ATAD5: variants seen among roughly 807,000 people sequenced by gnomAD.
ATAD5 encodes ATPase family AAA domain containing 5, also known as ATPase family AAA domain-containing protein 5.
A neutral mutation model predicts 176.9 loss-of-function variants in ATAD5; 58 were observed. The ratio of observed to expected loss-of-function variants is 0.33; its 90% confidence interval spans 0.27 to 0.41. The LOEUF (loss-of-function observed/expected upper bound fraction) is 0.41, where lower values mean the gene tolerates loss of function less well. ATAD5 is among the 10% of genes least tolerant of loss of function. The pLI, the probability that ATAD5 is intolerant of heterozygous loss-of-function variation, is 1.00. For missense variants in ATAD5, 1,789 were observed against 2,094.1 expected, an observed-to-expected ratio of 0.85 and a Z score of 2.84; for synonymous variants, 640 against 712.6, an observed-to-expected ratio of 0.90 and a Z score of 1.62.
chr17:30,839,059 C>A (rs1396961475), intron 3 of ATAD5, among the ~76,000 whole-genome samples: 1 of 151,792 alleles, frequency 6.6e-6, no homozygotes, highest in Non-Finnish European at 1.5e-5. Context: ...CTGCTAGCCT[C>A]AAGCAATCCT....
At chr17:30,876,644 T>G (rs544610460) in intron 15 of ATAD5, 94 bp downstream of exon 15, 1 of 684,622 alleles carries the variant, frequency 1.5e-6, no homozygotes, top group South Asian at 3.0e-5. Flanking sequence ...CTGTTGCTAT[T>G]TATTAAATCT....
chr17:30,891,643 G>A (rs1368725479), intron 19 of ATAD5, among the ~76,000 whole-genome samples: 1 of 152,056 alleles, frequency 6.6e-6, no homozygotes. Flanking sequence ...AAAGTGCTGG[G>A]ATTACAGGTG....
At chr17:30,867,263 G>C (rs1352607321) in intron 11 of ATAD5, among the ~76,000 whole-genome samples, 1 of 152,096 alleles carries the variant, frequency 6.6e-6, no homozygotes, top group Non-Finnish European at 1.5e-5. Flanking sequence ...AGCTGGGAAT[G>C]ATGGCGCCCA....
intron 17 of ATAD5, among the ~76,000 whole-genome samples, chr17:30,879,212 C>T (rs1184219298): frequency 6.6e-6 from 1 of 152,088 alleles, no homozygotes; most frequent in Non-Finnish European, 1.5e-5. Context: ...GCAGCTTGAG[C>T]TTATAATCCT....
At chr17:30,877,078 C>T (rs975335016) in intron 15 of ATAD5, among the ~76,000 whole-genome samples, 8 of 151,520 alleles carry the variant, frequency 5.3e-5, no homozygotes, top group African/African-American at 1.7e-4. Context: ...AATGCAGTGG[C>T]GCAATCTTGG....
intron 8 of ATAD5, among the ~76,000 whole-genome samples, chr17:30,857,472 T>A (rs568036822): frequency 6.6e-6 from 1 of 152,268 alleles, no homozygotes; most frequent in South Asian, 2.1e-4. Context: ...CGCCTCGGCC[T>A]CACAAAGTGC....
At chr17:30,836,149 A>C in intron 2 of ATAD5, 101 bp downstream of exon 2, 1 of 989,632 alleles carries the variant, frequency 1.0e-6, no homozygotes, top group Non-Finnish European at 1.4e-6. Flanking sequence ...TTTCTAGAAC[A>C]CAGCTGTTTA....
At chr17:30,889,384 A>C (rs1253342433) in intron 19 of ATAD5, among the ~76,000 whole-genome samples, 2 of 151,340 alleles carry the variant, frequency 1.3e-5, no homozygotes, top group Admixed American at 1.3e-4. Flanking sequence ...AACATATATA[A>C]GTACTTATAA....
At chr17:30,839,887 T>G (rs1366204868) in intron 3 of ATAD5, among the ~76,000 whole-genome samples, 1 of 150,816 alleles carries the variant, frequency 6.6e-6, no homozygotes, top group Non-Finnish European at 1.5e-5. Flanking sequence ...GTCCAGACTC[T>G]TTCTTCTTTA....
rs1340149817 is a variant in ATAD5, at chr17:30,865,753, T to G, written c.3186T>G (p.Thr1062=). 1 of 1,597,146 alleles carries G rather than the reference T, an allele frequency of 6.3e-7. No individual in the cohort carries two copies. Reference sequence around the variant, plus strand: ...GGACAGAAAAGTATCAACCTCAGACTGCCAGTGAACTTATAGGAAATGAGT... The same window carrying G: ...GGACAGAAAAGTATCAACCTCAGACGGCCAGTGAACTTATAGGAAATGAGT... The part of the protein sequence containing the change: ...MLWTEKYQPQ[T]ASELIGNELA... Residue 1062 remains threonine (T), a synonymous_variant, in exon 11 of 23, where the codon ACT becomes ACG. Transcript: ENST00000321990.
Position 30,832,401 on chromosome 17 carries a change from C to G in ATAD5, c.54C>G (p.Asp18Glu), listed in dbSNP as rs1366255870. The G allele has an allele frequency of 6.4e-7, 1 of 1,564,148 alleles. No individual in the cohort carries two copies. Among genetic ancestry groups the G allele is most frequent in the Non-Finnish European group, 8.7e-7 (1 of 1,154,414 alleles). Residue 18 changes from aspartate to glutamate, a missense_variant, in exon 1 of 23, where the codon GAC becomes GAG. By Grantham distance (45) the Asp-to-Glu change is conservative. This residue lies in a region of ATAD5 where 696 missense variants were observed against 712.5 expected (regional missense o/e 0.98). Coordinates refer to ENST00000321990, the MANE Select transcript of ATAD5 (RefSeq NM_024857.5). ...CAGCTGCTCCGCCTCCCGTGAAGGA[C>G]TGCGAGATTGAGGTGAGGTTGAGTC... is the stretch of plus-strand genomic sequence containing the variant. ...AAAAAPPPVK[D>E]CEIEPCKKRK... is the part of the protein sequence containing the mutation.
intron 18 of ATAD5, among the ~76,000 whole-genome samples, chr17:30,884,403 G>GCATTATAT (rs1449683220): frequency 6.9e-6 from 1 of 144,846 alleles, no homozygotes; most frequent in Non-Finnish European, 1.5e-5. Context: ...TGTTTTACTT[G>GCATTATAT]CATTATATTT....
In ATAD5 at chr17:30,834,335, A is replaced by G. The variant is rs1905567577; in HGVS notation, c.254A>G (p.Lys85Arg). Residue 85 changes from lysine to arginine, a missense_variant, in exon 2 of 23, where the codon AAG (lysine) becomes AGG (arginine). Coordinates refer to ENST00000321990, the MANE Select transcript of ATAD5 (RefSeq NM_024857.5). ...CAATTAGGGAAAGAGTGCAAGATAA[A>G]GTCACCTGAATCAGTACCTGTTGAC... ...KTQLGKECKIKSPESVPVDSN... is the reference protein window; with the variant it reads ...KTQLGKECKIRSPESVPVDSN... The G allele has an allele frequency of 6.2e-7, 1 of 1,611,632 alleles. No homozygotes were observed. Among genetic ancestry groups the G allele is most frequent in the Non-Finnish European group, 8.5e-7 (1 of 1,179,278 alleles).
intron 14 of ATAD5, among the ~76,000 whole-genome samples, chr17:30,874,325 G>A (rs959368016): frequency 2.0e-5 from 3 of 151,380 alleles, no homozygotes; most frequent in Middle Eastern, 3.5e-3. Flanking sequence ...GGCGGATCAC[G>A]AGGTCAGGAG....
intron 4 of ATAD5, among the ~76,000 whole-genome samples, chr17:30,842,863 C>T (rs1014483155): frequency 1.3e-5 from 2 of 152,088 alleles, no homozygotes; most frequent in Non-Finnish European, 2.9e-5. Flanking sequence ...CCTGCCTCAG[C>T]CTCTCGAGTA....
intron 19 of ATAD5, 82 bp from the exon 20 acceptor site, chr17:30,892,524 CA>C: frequency 1.0e-6 from 1 of 974,168 alleles, no homozygotes; most frequent in Non-Finnish European, 1.4e-6. Flanking sequence ...CAGAAGATGT[CA>C]AAGGATCTCA....
intron 11 of ATAD5, 125 bp downstream of exon 11, chr17:30,865,925 T>G (rs1211873668): frequency 3.6e-6 from 2 of 548,588 alleles, no homozygotes; most frequent in Non-Finnish European, 6.0e-6. Context: ...GGTAGAAGTT[T>G]AAGTGAAAAG....
chr17:30,860,469 G>T lies in ATAD5; in HGVS notation c.2993G>T (p.Arg998Met). 1 of 1,595,040 alleles carries T rather than the reference G, an allele frequency of 6.3e-7. No individual in the cohort carries two copies. Reference sequence around the variant, plus strand: ...GATGTCAGCCATAAAGAAACCAAAAGGAAACTCGTAGAAGCAGAAAATTCT... The same window carrying T: ...GATGTCAGCCATAAAGAAACCAAAATGAAACTCGTAGAAGCAGAAAATTCT... ...EADVSHKETKRKLVEAENSKS... is the reference protein window; with the variant it reads ...EADVSHKETKMKLVEAENSKS... Residue 998 changes from arginine (R) to methionine (M), a missense_variant, in exon 10 of 23, where the codon AGG (arginine) becomes ATG (methionine). By Grantham distance (91) the Arg-to-Met change is moderately conservative. This residue lies in a region of ATAD5 where 487 missense variants were observed against 573.6 expected (regional missense o/e 0.85). Coordinates refer to ENST00000321990, the MANE Select transcript of ATAD5 (RefSeq NM_024857.5).
rs1170059577 is a variant in ATAD5, at chr17:30,857,550, A to G, written c.2793+438A>G. 2.6e-5 allele frequency among the ~76,000 whole-genome samples: 4 copies of G among 152,134 alleles called. 1 individual carries two copies. The East Asian group carries it at 7.7e-4, about 29-fold the overall frequency. ...AAAATAAATCCTAATTGTAGTACAC[A>G]TTTCTTTTAAATACCCATAGAGCTT... On this transcript the variant is annotated intron_variant, in intron 8 of 22. Coordinates refer to ENST00000321990, the MANE Select transcript of ATAD5 (RefSeq NM_024857.5).
Sources: allele counts gnomAD v4.1 joint callset (sites outside exome capture counted in the v4.1 genomes callset), GRCh38; gene constraint gnomAD v4.1.1; regional missense constraint gnomAD v4.1.1; transcripts MANE v1.5; gene names NCBI Gene and HGNC (gene_info 2026-07-23, HGNC 2026-07-21).